The following CSMD3 variants were observed in gnomAD, a reference collection of about 807,000 sequenced individuals.
CSMD3 encodes CUB and sushi domain-containing protein 3.
In CSMD3, 177 loss-of-function variants were observed where a neutral mutation model predicts 435.2. That is an observed-to-expected ratio of 0.41 (90% CI 0.36 to 0.46). The LOEUF is 0.46. Among genes scored for constraint, CSMD3 ranks in the 20% least tolerant of loss-of-function variants. The pLI, the probability that CSMD3 is intolerant of heterozygous loss-of-function variation, is 0.34. For missense variants in CSMD3, 4,265 were observed against 4,504.6 expected, an observed-to-expected ratio of 0.95 and a Z score of 1.52; for synonymous variants, 1,656 against 1,520.5, an observed-to-expected ratio of 1.09 and a Z score of -2.07.
intron 36 of CSMD3, among the ~76,000 whole-genome samples, chr8:112,388,310 T>G (rs960593392): frequency 3.9e-5 from 6 of 152,094 alleles, no homozygotes; most frequent in African/African-American, 1.2e-4. Flanking sequence ...AGTATTAGAT[T>G]TTTACTTTCA....
chr8:112,411,626 A>G (rs906716769), intron 32 of CSMD3, among the ~76,000 whole-genome samples: 38 of 152,194 alleles, frequency 2.5e-4, no homozygotes, highest in African/African-American at 7.7e-4. Context: ...CCCACACATT[A>G]TCATATTAGC....
chr8:112,550,759 T>G lies in CSMD3; in HGVS notation c.4476A>C (p.Glu1492Asp). ...CTATATTGAGGGTGCTATGAATTCCTTCAGGAATAAGAGATCCACTAATTT... is the reference window on the plus strand; with the variant it reads ...CTATATTGAGGGTGCTATGAATTCCGTCAGGAATAAGAGATCCACTAATTT... ...LKEISGSLIPEGIHSTLNIVT... is the reference protein window; with the variant it reads ...LKEISGSLIPDGIHSTLNIVT... The change falls in exon 27 of 71, where the codon GAA becomes GAC. Residue 1492 changes from glutamate to aspartate, a missense_variant. This residue lies in a region of CSMD3 where 3,255 missense variants were observed against 3,380.2 expected (regional missense o/e 0.96). Coordinates refer to ENST00000297405, the MANE Select transcript of CSMD3 (RefSeq NM_198123.2). The G allele has an allele frequency of 6.2e-7, 1 of 1,605,134 alleles. No individual in the cohort carries two copies.
chr8:112,343,001 T>TTATA (rs34740069), intron 41 of CSMD3, among the ~76,000 whole-genome samples: 2,218 of 109,614 alleles, frequency 0.02, 63 homozygotes, highest in African/African-American at 0.057. Flanking sequence ...ATATATATAT[T>TTATA]TATATATATA....
At chr8:113,408,885 G>A (rs1018176743) in intron 1 of CSMD3, among the ~76,000 whole-genome samples, 5 of 151,850 alleles carry the variant, frequency 3.3e-5, no homozygotes, top group Non-Finnish European at 5.9e-5. Context: ...GGCTGCTCTC[G>A]AACTCCTGAC....
chr8:112,255,454 A>G (rs780695002), intron 61 of CSMD3, 27 bp from the exon 62 acceptor site: 2 of 1,610,506 alleles, frequency 1.2e-6, no homozygotes, highest in South Asian at 2.2e-5. Context: ...AGACGCTTAT[A>G]TCAAAGATTT....
intron 5 of CSMD3, among the ~76,000 whole-genome samples, chr8:113,036,783 A>G (rs535026189): frequency 6.6e-6 from 1 of 152,232 alleles, no homozygotes; most frequent in South Asian, 2.1e-4. Context: ...TTCTGGGTAA[A>G]TAAGTGAATA....
At chr8:112,573,714 C>T (rs2131302883) in intron 23 of CSMD3, 57 bp from the exon 24 acceptor site, 1 of 1,325,598 alleles carries the variant, frequency 7.5e-7, no homozygotes, top group Non-Finnish European at 1.1e-6. Context: ...CAATTCAGAG[C>T]ATGTATTTGT....
intron 3 of CSMD3, among the ~76,000 whole-genome samples, chr8:113,241,614 AAAG>A (rs2093218710): frequency 6.6e-6 from 1 of 151,906 alleles, no homozygotes; most frequent in Non-Finnish European, 1.5e-5. Flanking sequence ...GAAAAAAAAA[AAAG>A]AATGTCTCAG....
At chr8:112,757,090 C>A (rs1366222956) in intron 13 of CSMD3, among the ~76,000 whole-genome samples, 1 of 151,820 alleles carries the variant, frequency 6.6e-6, no homozygotes, top group African/African-American at 2.4e-5. Context: ...TTTTGAGTTA[C>A]TTTTTGGAAA....
chr8:112,462,504 T>C (rs1177920516), intron 32 of CSMD3, among the ~76,000 whole-genome samples: 2 of 152,206 alleles, frequency 1.3e-5, no homozygotes, highest in Non-Finnish European at 1.5e-5. Context: ...TTATACACAA[T>C]GAATGTGAAT....
intron 17 of CSMD3, among the ~76,000 whole-genome samples, chr8:112,660,033 C>T (rs959097526): frequency 3.5e-4 from 53 of 152,032 alleles, no homozygotes; most frequent in Middle Eastern, 3.4e-3. Flanking sequence ...AAATGACTCA[C>T]GAGTAGTGGA....
chr8:113,194,852 G>A (rs1179455668), intron 3 of CSMD3, among the ~76,000 whole-genome samples: 2 of 151,118 alleles, frequency 1.3e-5, no homozygotes, highest in African/African-American at 4.8e-5. Flanking sequence ...CAAACAAGTA[G>A]CTTTCACATT....
At chr8:112,351,789 AATTT>A (rs1200299972) in intron 39 of CSMD3, among the ~76,000 whole-genome samples, 1 of 151,968 alleles carries the variant, frequency 6.6e-6, no homozygotes, top group Non-Finnish European at 1.5e-5. Flanking sequence ...TTCTCTGAAG[AATTT>A]ATTTATCTAA....
At position 113,349,621 on chromosome 8, in the gene CSMD3, A is replaced by T. The variant is rs994585211; in HGVS notation, c.179-34828T>A. On this transcript the variant is annotated intron_variant, in intron 1 of 70. Coordinates refer to ENST00000297405, the MANE Select transcript of CSMD3 (RefSeq NM_198123.2). ...ACACAGTGAGAACCCATCTCTTTTT[A>T]AAAAAATAATTAATTTTAATCCTTA... 5.3e-5 allele frequency among the ~76,000 whole-genome samples: 8 copies of T among 152,158 alleles called. No homozygotes were observed. The East Asian group carries it at 5.8e-4, about 11-fold the overall frequency.
chr8:113,165,814 G>T (rs1279992478), intron 4 of CSMD3, among the ~76,000 whole-genome samples: 6 of 152,026 alleles, frequency 3.9e-5, no homozygotes, highest in African/African-American at 1.4e-4. Flanking sequence ...CATACAAGAT[G>T]AGGGGAAAAA....
At chr8:112,734,707 T>G (rs1049586352) in intron 13 of CSMD3, among the ~76,000 whole-genome samples, 2 of 152,104 alleles carry the variant, frequency 1.3e-5, no homozygotes, top group African/African-American at 4.8e-5. Context: ...TTCCACTGAT[T>G]TTTTGCTTTT....
At chr8:113,137,262 G>A (rs957151030) in intron 4 of CSMD3, among the ~76,000 whole-genome samples, 1 of 151,392 alleles carries the variant, frequency 6.6e-6, no homozygotes. Context: ...AAATGATGGC[G>A]GTTTTACCTG....
In CSMD3 at chr8:112,827,160, CATAAATATATATATAT is replaced by C. The variant is rs1243755017; in HGVS notation, c.1859+2510_1859+2525del. On this transcript the variant is annotated intron_variant, in intron 12 of 70. Transcript: ENST00000297405. ...TTTCTTCTGTATTTTACTAGGTTAC[CATAAATATATATATAT>C]ATATATATATATATATATATATATA... is the stretch of plus-strand genomic sequence containing the variant. Among the ~76,000 whole-genome samples the C allele has an allele frequency of 7.0e-3, 270 of 38,708 alleles. 12 individuals carry two copies. The highest frequency in any genetic ancestry group is 0.033 in the East Asian group (24 of 738). 25.4% of individuals were successfully genotyped at this position (38,708 alleles called of 152,430 possible). A position where few individuals can be genotyped will look rare whatever the true frequency, so the allele number is the denominator to read the frequency against.
intron 3 of CSMD3, among the ~76,000 whole-genome samples, chr8:113,217,197 A>G (rs1327203142): frequency 6.8e-6 from 1 of 147,400 alleles, no homozygotes; most frequent in Non-Finnish European, 1.5e-5. Flanking sequence ...AAATTATGCC[A>G]GTAAAGTTTC....
Sources: allele counts gnomAD v4.1 joint callset (sites outside exome capture counted in the v4.1 genomes callset), GRCh38; gene constraint gnomAD v4.1.1; regional missense constraint gnomAD v4.1.1; transcripts MANE v1.5; gene names NCBI Gene and HGNC (gene_info 2026-07-23, HGNC 2026-07-21).